SLC8A1: variants seen among roughly 807,000 people sequenced by gnomAD.
SLC8A1 encodes the protein sodium/calcium exchanger 1.
A neutral mutation model predicts 68.3 loss-of-function variants in SLC8A1; 18 were observed. The ratio of observed to expected loss-of-function variants is 0.26; its 90% confidence interval spans 0.18 to 0.39. The LOEUF (loss-of-function observed/expected upper bound fraction) is 0.39. Ranked by LOEUF, SLC8A1 falls within the 10% of genes least tolerant of loss-of-function variation. SLC8A1 has a pLI of 1.00. For synonymous variants in SLC8A1, 475 were observed against 415.5 expected, an observed-to-expected ratio of 1.14 and a Z score of -1.74; for missense variants, 985 against 1,156.7, an observed-to-expected ratio of 0.85 and a Z score of 2.15.
At chr2:40,504,724 T>C (rs1396827620) in intron 1 of SLC8A1, among the ~76,000 whole-genome samples, 2 of 151,978 alleles carry the variant, frequency 1.3e-5, no homozygotes, top group African/African-American at 2.4e-5. Flanking sequence ...TCAACACCAC[T>C]GATCATCAGA....
At chr2:40,176,863 C>T (rs866608911) in intron 3 of SLC8A1, among the ~76,000 whole-genome samples, 2 of 152,022 alleles carry the variant, frequency 1.3e-5, no homozygotes, top group African/African-American at 4.8e-5. Context: ...AGTAAATCAC[C>T]AGAATTCCTT....
intron 6 of SLC8A1, among the ~76,000 whole-genome samples, chr2:40,159,094 C>T (rs2045177530): frequency 6.6e-6 from 1 of 152,110 alleles, no homozygotes; most frequent in Admixed American, 6.6e-5. Flanking sequence ...CAAATTTGGC[C>T]TTAATAGGTC....
intron 2 of SLC8A1, among the ~76,000 whole-genome samples, chr2:40,342,083 T>C (rs1416740694): frequency 6.6e-6 from 1 of 152,158 alleles, no homozygotes; most frequent in Admixed American, 6.5e-5. Context: ...TTATTACTGA[T>C]ACAGGTCCAA....
chr2:40,307,042 G>A (rs968138998), intron 2 of SLC8A1, among the ~76,000 whole-genome samples: 2 of 151,920 alleles, frequency 1.3e-5, no homozygotes, highest in African/African-American at 2.4e-5. Flanking sequence ...AGAAATATTT[G>A]CTCATCCATG....
rs559700349 is a variant in SLC8A1 at position 40,415,313 on chromosome 2, G to T, written c.1808+13160C>A. On this transcript the variant is annotated intron_variant, in intron 2 of 7. Coordinates refer to ENST00000406785, the Ensembl canonical transcript of SLC8A1. ...AAAATTAAAGACATAATTGGTAACGGTTTTGACTGCTGCAGAGGCAACACT... is the reference window on the plus strand; with the variant it reads ...AAAATTAAAGACATAATTGGTAACGTTTTTGACTGCTGCAGAGGCAACACT... Among the ~76,000 whole-genome samples, 4 of 152,066 alleles carry T rather than the reference G, an allele frequency of 2.6e-5. No individual in the cohort carries two copies. In the South Asian group the frequency reaches 8.3e-4, roughly 32 times the overall value.
chr2:40,217,363 C>G (rs2057658705), intron 2 of SLC8A1, among the ~76,000 whole-genome samples: 1 of 152,094 alleles, frequency 6.6e-6, no homozygotes. Context: ...TGTTTTGGTA[C>G]CAGTACCATG....
intron 2 of SLC8A1, among the ~76,000 whole-genome samples, chr2:40,299,337 A>T (rs1339680269): frequency 2.0e-5 from 3 of 152,126 alleles, no homozygotes; most frequent in African/African-American, 7.2e-5. Flanking sequence ...GTGGAGAAAA[A>T]CTTATTAAAG....
chr2:40,293,818 T>C (rs1436219702), intron 2 of SLC8A1, among the ~76,000 whole-genome samples: 1 of 152,026 alleles, frequency 6.6e-6, no homozygotes, highest in East Asian at 1.9e-4. Flanking sequence ...GGTATATTCA[T>C]TTACATAATT....
At chr2:40,419,805 G>T (rs1694971153) in intron 2 of SLC8A1, among the ~76,000 whole-genome samples, 1 of 152,018 alleles carries the variant, frequency 6.6e-6, no homozygotes, top group Non-Finnish European at 1.5e-5. Flanking sequence ...GTGTGTATAT[G>T]TGTGTGTGTA....
At chr2:40,463,887 C>CACAT (rs796954298) in intron 1 of SLC8A1, among the ~76,000 whole-genome samples, 4,745 of 107,592 alleles carry the variant, frequency 0.044, 153 homozygotes, top group East Asian at 0.16. Flanking sequence ...CACACACACA[C>CACAT]ATATATATAT....
intron 2 of SLC8A1, among the ~76,000 whole-genome samples, chr2:40,423,334 G>A (rs1696007916): frequency 6.6e-6 from 1 of 151,986 alleles, no homozygotes. Context: ...TTTACAAAAT[G>A]TCTTTAAAAT....
chr2:40,294,872 T>C (rs2070046195), intron 2 of SLC8A1, among the ~76,000 whole-genome samples: 1 of 152,166 alleles, frequency 6.6e-6, no homozygotes, highest in Non-Finnish European at 1.5e-5. Flanking sequence ...TTTAATATGG[T>C]CTATAGTCAC....
intron 2 of SLC8A1, among the ~76,000 whole-genome samples, chr2:40,218,967 C>G (rs540987225): frequency 6.6e-6 from 1 of 152,004 alleles, no homozygotes; most frequent in African/African-American, 2.4e-5. Context: ...ACTTAGAAAG[C>G]AATATTAGCT....
At chr2:40,377,087 A>G (rs1353175507) in intron 2 of SLC8A1, among the ~76,000 whole-genome samples, 1 of 152,028 alleles carries the variant, frequency 6.6e-6, no homozygotes, top group Non-Finnish European at 1.5e-5. Flanking sequence ...AAGTGTGCAT[A>G]TGTAATTAAG....
intron 2 of SLC8A1, among the ~76,000 whole-genome samples, chr2:40,181,482 A>G (rs986202364): frequency 1.3e-5 from 2 of 152,352 alleles, no homozygotes; most frequent in South Asian, 4.1e-4. Flanking sequence ...CCTGGCAAAG[A>G]CATCTAAAAC....
At chr2:40,322,930 GATAA>G (rs1344803868) in intron 2 of SLC8A1, among the ~76,000 whole-genome samples, 1 of 151,668 alleles carries the variant, frequency 6.6e-6, no homozygotes, top group African/African-American at 2.4e-5. Flanking sequence ...CATATTTAAA[GATAA>G]ATAGAGACAT....
rs376550857 is a variant in SLC8A1, at chr2:40,387,762, AC to A, written c.1808+40710del. ...AGACCAGCCTGGCCAACATGGTGAA[AC>A]CCTGTCTCTACTAAAAACACAAAAA... On this transcript the variant is annotated intron_variant, in intron 2 of 7. Coordinates refer to ENST00000406785, the Ensembl canonical transcript of SLC8A1. 2.5e-3 allele frequency among the ~76,000 whole-genome samples: 364 copies of A among 146,354 alleles called. 21 individuals are homozygous for A. Among genetic ancestry groups the A allele is most frequent in the African/African-American group, 9.5e-3 (346 of 36,244 alleles).
chr2:40,509,127 T>C (rs976416826), intron 1 of SLC8A1, among the ~76,000 whole-genome samples: 1 of 152,236 alleles, frequency 6.6e-6, no homozygotes, highest in African/African-American at 2.4e-5. Flanking sequence ...CATACAATTT[T>C]CTTCCAATAC....
At chr2:40,124,785 A>T (rs2037704016) in intron 7 of SLC8A1, among the ~76,000 whole-genome samples, 1 of 152,272 alleles carries the variant, frequency 6.6e-6, no homozygotes, top group East Asian at 1.9e-4. Context: ...TTGCAACTTC[A>T]TATAACATGA....
Sources: allele counts gnomAD v4.1 joint callset (sites outside exome capture counted in the v4.1 genomes callset), GRCh38; gene constraint gnomAD v4.1.1; transcripts MANE v1.5; gene names NCBI Gene and HGNC (gene_info 2026-07-23, HGNC 2026-07-21).